SFRP4: variants seen among roughly 807,000 people sequenced by gnomAD.
SFRP4 encodes the protein secreted frizzled-related protein 4.
Under a neutral mutation model 36.3 loss-of-function variants are expected in SFRP4, and 25 were observed. The ratio of observed to expected loss-of-function variants is 0.69; its 90% confidence interval spans 0.50 to 0.96. SFRP4 has a LOEUF of 0.96. Ranked by LOEUF, SFRP4 falls within the 40% of genes least tolerant of loss-of-function variation. The pLI is 0.00. For missense variants in SFRP4, 487 were observed against 459.6 expected, an observed-to-expected ratio of 1.06 and a Z score of -0.54; for synonymous variants, 182 against 168.8, an observed-to-expected ratio of 1.08 and a Z score of -0.60.
chr7:37,913,658 G>T (rs1785528954), intron 3 of SFRP4, among the ~76,000 whole-genome samples: 3 of 152,342 alleles, frequency 2.0e-5, no homozygotes, highest in South Asian at 2.1e-4. Context: ...TCAAGTAAGA[G>T]AGAGGAGGGC....
rs1188166359 is a variant in SFRP4, at chr7:37,906,881, T to TA, written c.*597dup. 6.6e-6 allele frequency: 1 copy of TA among 152,192 alleles called. No homozygotes were observed. The highest frequency in any genetic ancestry group is 2.4e-5 in the African/African-American group (1 of 41,454). The allele number at this position is 152,192 out of a possible 1,614,324, so 9.4% of individuals were successfully genotyped here. ...GCTAAAAACAGAGCTGAAGTCATTG[T>TA]AAAAAAGACACATTATAGTTTTCCA... On this transcript the variant is annotated 3_prime_UTR_variant, in exon 6 of 6. Transcript: ENST00000436072.
chr7:37,908,156 C>T (rs1355715234), intron 5 of SFRP4, among the ~76,000 whole-genome samples: 3 of 152,178 alleles, frequency 2.0e-5, no homozygotes, highest in Non-Finnish European at 2.9e-5. Context: ...CTTCATTCTC[C>T]CACATCCAAA....
chr7:37,916,739 C>G lies in SFRP4; in HGVS notation c.-202G>C, dbSNP rs1021346476. The G allele has an allele frequency of 2.6e-6, 2 of 763,948 alleles. No individual in the cohort carries two copies. The highest frequency in any genetic ancestry group is 5.4e-5 in the East Asian group (2 of 36,848). 47.3% of individuals were successfully genotyped at this position (763,948 alleles called of 1,614,324 possible). A position where few individuals can be genotyped will look rare whatever the true frequency, so the allele number is the denominator to read the frequency against. ...CGCCGTCTGGCACACAGGGCACGAG[C>G]AGCGCCAGCTCTCAGCCTTCGGGGC... is the stretch of plus-strand genomic sequence containing the variant. On this transcript the variant is annotated 5_prime_UTR_variant, in exon 1 of 6. Coordinates refer to ENST00000436072, the MANE Select transcript of SFRP4 (RefSeq NM_003014.4). The surrounding 1 kb of genome is among the most constrained non-coding windows in gnomAD (Gnocchi z 4.1).
At chr7:37,915,328 G>C (rs1785556476) in intron 1 of SFRP4, among the ~76,000 whole-genome samples, 1 of 152,204 alleles carries the variant, frequency 6.6e-6, no homozygotes, top group Non-Finnish European at 1.5e-5. Context: ...TTAGAGCAAT[G>C]CTCTGGGGTA....
In SFRP4 at chr7:37,916,479, C is replaced by T. The variant is rs994051636; in HGVS notation, c.59G>A (p.Arg20His). The T allele has an allele frequency of 3.1e-6, 5 of 1,612,610 alleles. No individual in the cohort carries two copies. Among genetic ancestry groups the T allele is most frequent in the South Asian group, 1.1e-5 (1 of 91,014 alleles). ...GCGCACCGCCTCGCAGGGCGCGCCGCGCACGCCCAGCGCCAGGTGCAGCCA... is the reference window on the plus strand; with the variant it reads ...GCGCACCGCCTCGCAGGGCGCGCCGTGCACGCCCAGCGCCAGGTGCAGCCA... ...CLWLHLALGV[R>H]GAPCEAVRIP... The change falls in exon 1 of 6, where the codon CGC becomes CAC. Residue 20 changes from arginine to histidine, a missense_variant. Coordinates refer to ENST00000436072, the MANE Select transcript of SFRP4 (RefSeq NM_003014.4). This position sits in a 1 kb window ranked among gnomAD's most constrained non-coding sequence, Gnocchi z 4.1.
rs896016022 is a variant in SFRP4, at chr7:37,916,735, C to G, written c.-198G>C. The G allele has an allele frequency of 1.5e-5, 12 of 778,796 alleles. No individual in the cohort carries two copies. In the South Asian group the frequency reaches 1.7e-4, roughly 11 times the overall value. 48.2% of individuals were successfully genotyped at this position (778,796 alleles called of 1,614,324 possible). A position where few individuals can be genotyped will look rare whatever the true frequency, so the allele number is the denominator to read the frequency against. ...GCTCCGCCGTCTGGCACACAGGGCA[C>G]GAGCAGCGCCAGCTCTCAGCCTTCG... On this transcript the variant is annotated 5_prime_UTR_variant, in exon 1 of 6. Coordinates refer to ENST00000436072, the MANE Select transcript of SFRP4 (RefSeq NM_003014.4). The surrounding 1 kb of genome is among the most constrained non-coding windows in gnomAD (Gnocchi z 4.1).
At chr7:37,910,363 A>G (rs1016308511) in intron 4 of SFRP4, among the ~76,000 whole-genome samples, 2 of 151,902 alleles carry the variant, frequency 1.3e-5, no homozygotes, top group Non-Finnish European at 2.9e-5. Flanking sequence ...TTCTGTATAT[A>G]TATTTCTATA....
chr7:37,912,259 C>T lies in SFRP4; in HGVS notation c.651G>A (p.Val217=), dbSNP rs757169707. 1.2e-6 allele frequency: 2 copies of T among 1,614,108 alleles called. No homozygotes were observed. The highest frequency in any genetic ancestry group is 1.7e-4 in the Middle Eastern group (1 of 6,060). Residue 217 remains valine (V), a synonymous_variant, in exon 4 of 6, where the codon GTG becomes GTA. Transcript: ENST00000436072. ...QRSGCNEVTT[V]VDVKEIFKSS... Reference sequence around the variant, plus strand: ...ACTTGAAGATCTCTTTTACATCCACCACCGTTGTGACCTCATTGCAGCCAC... The same window carrying T: ...ACTTGAAGATCTCTTTTACATCCACTACCGTTGTGACCTCATTGCAGCCAC...
intron 5 of SFRP4, among the ~76,000 whole-genome samples, chr7:37,909,351 C>T (rs1448455965): frequency 6.6e-6 from 1 of 152,078 alleles, no homozygotes; most frequent in Non-Finnish European, 1.5e-5. Flanking sequence ...AATAAAGAAA[C>T]AAAAGGCTCA....
intron 4 of SFRP4, 99 bp downstream of exon 4, chr7:37,912,020 T>C (rs1428538075): frequency 4.6e-6 from 4 of 869,504 alleles, no homozygotes; most frequent in Non-Finnish European, 7.2e-6. Context: ...TAAAAAGACT[T>C]TGGCATATTT....
rs769341984 is a variant in SFRP4 at position 37,912,264 on chromosome 7, T to C, written c.646A>G (p.Thr216Ala). ...VQRSGCNEVT[T>A]VVDVKEIFKS... ...AAGATCTCTTTTACATCCACCACCG[T>C]TGTGACCTCATTGCAGCCACTCCTC... The change falls in exon 4 of 6, where the codon ACG becomes GCG. Residue 216 changes from threonine (T) to alanine (A), a missense_variant. By Grantham distance (58) the Thr-to-Ala change is moderately conservative. Coordinates refer to ENST00000436072, the MANE Select transcript of SFRP4 (RefSeq NM_003014.4). 2.9e-5 allele frequency: 47 copies of C among 1,614,046 alleles called. No homozygotes were observed. Among genetic ancestry groups the C allele is most frequent in the Non-Finnish European group, 3.9e-5 (46 of 1,179,996 alleles).
chr7:37,909,980 G>A (rs1785456227), intron 4 of SFRP4: 1 of 192,772 alleles, frequency 5.2e-6, no homozygotes, highest in Non-Finnish European at 1.1e-5. Flanking sequence ...ATAATACTAT[G>A]AATATGGATA....
At chr7:37,908,470 G>A (rs777460253) in intron 5 of SFRP4, among the ~76,000 whole-genome samples, 3 of 152,210 alleles carry the variant, frequency 2.0e-5, no homozygotes, top group Non-Finnish European at 2.9e-5. Context: ...TGTCCCCACT[G>A]TGCTATGACA....
chr7:37,915,925 T>C (rs1010212890), intron 1 of SFRP4, among the ~76,000 whole-genome samples, 168 bp downstream of exon 1: 1 of 152,144 alleles, frequency 6.6e-6, no homozygotes, highest in Admixed American at 6.5e-5. Flanking sequence ...CTAAAATTCC[T>C]ATGGGAGAAA....
rs896803900 is a variant in SFRP4 at position 37,909,692 on chromosome 7, T to G, written c.792-12A>C. 5 of 1,509,382 alleles carry G rather than the reference T, an allele frequency of 3.3e-6. No individual in the cohort carries two copies. The highest frequency in any genetic ancestry group is 1.4e-5 in the African/African-American group (1 of 72,018). The allele number at this position is 1,509,382 out of a possible 1,614,324, so 93.5% of individuals were successfully genotyped here. A position where few individuals can be genotyped will look rare whatever the true frequency, so the allele number is the denominator to read the frequency against. On this transcript the variant is annotated splice_polypyrimidine_tract_variant and intron_variant, in intron 4 of 5. Coordinates refer to ENST00000436072, the MANE Select transcript of SFRP4 (RefSeq NM_003014.4). ...CAAGAAGCATCATCCTGAAAAAAAA[T>G]TATCTTAGTAAACAGATTTTTATTA... is the stretch of plus-strand genomic sequence containing the variant.
At chr7:37,909,099 C>G (rs941263920) in intron 5 of SFRP4, among the ~76,000 whole-genome samples, 1 of 152,104 alleles carries the variant, frequency 6.6e-6, no homozygotes, top group African/African-American at 2.4e-5. Flanking sequence ...AATTGAATTA[C>G]CAATATTTCT....
chr7:37,915,835 T>G (rs941025577), intron 1 of SFRP4, among the ~76,000 whole-genome samples: 1 of 151,852 alleles, frequency 6.6e-6, no homozygotes, highest in East Asian at 1.9e-4. Context: ...TTACTATAAA[T>G]GCAAACATCA....
intron 4 of SFRP4, 74 bp downstream of exon 4, chr7:37,912,045 A>G: frequency 8.4e-7 from 1 of 1,186,146 alleles, no homozygotes; most frequent in Non-Finnish European, 1.2e-6. Flanking sequence ...TATATTTTTA[A>G]ACCATGACTG....
Position 37,909,692 on chromosome 7 carries a change from TTA to T in SFRP4, c.792-14_792-13del. ...CAAGAAGCATCATCCTGAAAAAAAA[TTA>T]TCTTAGTAAACAGATTTTTATTACA... is the stretch of plus-strand genomic sequence containing the variant. On this transcript the variant is annotated splice_polypyrimidine_tract_variant and intron_variant, in intron 4 of 5. Coordinates refer to ENST00000436072, the MANE Select transcript of SFRP4 (RefSeq NM_003014.4). 1 of 1,509,500 alleles carries T rather than the reference TTA, an allele frequency of 6.6e-7. No individual in the cohort carries two copies. The highest frequency in any genetic ancestry group is 9.1e-7 in the Non-Finnish European group (1 of 1,099,978). 93.5% of individuals were successfully genotyped at this position (1,509,500 alleles called of 1,614,324 possible). A position where few individuals can be genotyped will look rare whatever the true frequency, so the allele number is the denominator to read the frequency against.
Sources: allele counts gnomAD v4.1 joint callset (sites outside exome capture counted in the v4.1 genomes callset), GRCh38; gene constraint gnomAD v4.1.1; non-coding constraint Gnocchi (gnomAD v3.1); transcripts MANE v1.5; gene names NCBI Gene and HGNC (gene_info 2026-07-23, HGNC 2026-07-21).